IREB2: variants seen among roughly 807,000 people sequenced by gnomAD.
The protein encoded by IREB2 is iron-responsive element-binding protein 2.
Under a neutral mutation model 118.8 loss-of-function variants are expected in IREB2, and 39 were observed. That is an observed-to-expected ratio of 0.33 (90% CI 0.25 to 0.43). The LOEUF is 0.43. Ranked by LOEUF, IREB2 falls within the 20% of genes least tolerant of loss-of-function variation. The pLI, the probability that IREB2 is intolerant of heterozygous loss-of-function variation, is 1.00. For synonymous variants in IREB2, 372 were observed against 392.2 expected (o/e 0.95, Z 0.61); for missense variants, 900 against 1,147.3 (o/e 0.78, Z 3.11).
rs1170599918 is a variant in IREB2 at position 78,499,639 on chromosome 15, ATTTCT to A, written c.*1499_*1503del. The stretch of plus-strand genomic sequence containing the variant: ...AGATGGACTAGAGTTCGACAAAATG[ATTTCT>A]TTATTTAAATTTTGTATAAGTATTT... On this transcript the variant is annotated 3_prime_UTR_variant, in exon 22 of 22. Transcript: ENST00000258886. 5 of 152,166 alleles carry A rather than the reference ATTTCT, an allele frequency of 3.3e-5. No individual in the cohort carries two copies. Among genetic ancestry groups the A allele is most frequent in the African/African-American group, 7.2e-5 (3 of 41,422 alleles). 9.4% of individuals were successfully genotyped at this position (152,166 alleles called of 1,614,324 possible).
chr15:78,443,203 A>G (rs184529284), intron 2 of IREB2, among the ~76,000 whole-genome samples: 8 of 152,384 alleles, frequency 5.2e-5, no homozygotes, highest in East Asian at 1.9e-4. Flanking sequence ...AGTTATAACA[A>G]TGTACTGTAA....
intron 20 of IREB2, 42 bp from the exon 21 acceptor site, chr15:78,497,084 T>G (rs949547578): frequency 1.3e-6 from 2 of 1,528,528 alleles, no homozygotes; most frequent in Non-Finnish European, 1.8e-6. Context: ...ATAAATAACT[T>G]TCAGAAGTGA....
chr15:78,495,218 T>C (rs1596017983), intron 20 of IREB2, among the ~76,000 whole-genome samples: 1 of 152,218 alleles, frequency 6.6e-6, no homozygotes, highest in East Asian at 1.9e-4. Context: ...TCCTTTAAAA[T>C]GTAAATACTC....
At chr15:78,445,827 C>T (rs1273988101) in intron 2 of IREB2, among the ~76,000 whole-genome samples, 3 of 152,132 alleles carry the variant, frequency 2.0e-5, no homozygotes, top group Non-Finnish European at 4.4e-5. Flanking sequence ...CTCTGTTGCC[C>T]AGGCTGGAGT....
intron 14 of IREB2, 29 bp from the exon 15 acceptor site, chr15:78,488,151 A>G (rs1224426431): frequency 2.5e-6 from 4 of 1,585,322 alleles, no homozygotes; most frequent in Non-Finnish European, 3.4e-6. Flanking sequence ...AATTGAATTT[A>G]TTTGTTTGTG....
At chr15:78,439,028 C>G (rs1431144644) in intron 1 of IREB2, among the ~76,000 whole-genome samples, 1 of 152,178 alleles carries the variant, frequency 6.6e-6, no homozygotes, top group Non-Finnish European at 1.5e-5. Context: ...GGCCACCCAC[C>G]GCTATGAGTC....
intron 2 of IREB2, among the ~76,000 whole-genome samples, chr15:78,446,734 A>C (rs1184580046): frequency 6.6e-6 from 1 of 152,036 alleles, no homozygotes; most frequent in Non-Finnish European, 1.5e-5. Flanking sequence ...CCTTTCTCAC[A>C]AGACTTTTGG....
intron 2 of IREB2, among the ~76,000 whole-genome samples, chr15:78,449,003 C>A (rs79234075): frequency 0.025 from 3,776 of 152,244 alleles, 65 homozygotes; most frequent in East Asian, 0.085. Context: ...CTTCAGTGTG[C>A]TGCTTCATGA....
At chr15:78,463,211 G>A in intron 3 of IREB2, 124 bp downstream of exon 3, 1 of 778,742 alleles carries the variant, frequency 1.3e-6, no homozygotes, top group Non-Finnish European at 2.0e-6. Flanking sequence ...GGCCAAGGCA[G>A]GAAGATCACT....
chr15:78,494,965 C>T (rs1444834617), intron 20 of IREB2, among the ~76,000 whole-genome samples: 1 of 152,188 alleles, frequency 6.6e-6, no homozygotes, highest in Non-Finnish European at 1.5e-5. Context: ...GGCCAAGTTG[C>T]ACCTTTTTTC....
intron 2 of IREB2, among the ~76,000 whole-genome samples, chr15:78,455,743 TAAAC>T (rs1205099921): frequency 6.6e-6 from 1 of 152,198 alleles, no homozygotes; most frequent in East Asian, 1.9e-4. Flanking sequence ...TAGTCCTAAA[TAAAC>T]AACTGCAGAT....
At chr15:78,464,718 G>A (rs576505519) in intron 3 of IREB2, among the ~76,000 whole-genome samples, 2 of 152,206 alleles carry the variant, frequency 1.3e-5, no homozygotes, top group South Asian at 4.1e-4. Context: ...TAGTACTTAC[G>A]ATACTATTCT....
rs542424978 is a variant in IREB2 at position 78,486,616 on chromosome 15, A to G, written c.1709+776A>G. Among the ~76,000 whole-genome samples the G allele has an allele frequency of 3.5e-3, 528 of 152,316 alleles. 3 individuals are homozygous for G. The highest frequency in any genetic ancestry group is 0.012 in the African/African-American group (512 of 41,576). ...CGAGACTCCATCTCAAAAAGAAAAA[A>G]AAAAAAGTAACCTATGTTTTTTATG... On this transcript the variant is annotated intron_variant, in intron 13 of 21. Coordinates refer to ENST00000258886, the MANE Select transcript of IREB2 (RefSeq NM_004136.4).
At chr15:78,450,625 G>T (rs1256551169) in intron 2 of IREB2, among the ~76,000 whole-genome samples, 1 of 152,216 alleles carries the variant, frequency 6.6e-6, no homozygotes, top group Non-Finnish European at 1.5e-5. Context: ...CCATGTCGGG[G>T]CTTGTAGAAG....
At chr15:78,486,655 T>A (rs1030409317) in intron 13 of IREB2, among the ~76,000 whole-genome samples, 1 of 152,032 alleles carries the variant, frequency 6.6e-6, no homozygotes, top group South Asian at 2.1e-4. Context: ...TCCAAAACAA[T>A]TGATGCTAGT....
intron 2 of IREB2, among the ~76,000 whole-genome samples, chr15:78,442,798 C>A (rs2050864657): frequency 6.6e-6 from 1 of 152,182 alleles, no homozygotes; most frequent in Admixed American, 6.6e-5. Flanking sequence ...CACCTCCAGG[C>A]ATTATGTCCA....
chr15:78,476,236 A>G lies in IREB2; in HGVS notation c.1072A>G (p.Ser358Gly). Residue 358 changes from serine (S) to glycine (G), a missense_variant, in exon 9 of 22, where the codon AGT becomes GGT. Coordinates refer to ENST00000258886, the MANE Select transcript of IREB2 (RefSeq NM_004136.4). ...VAGKFVEFFG[S>G]GVSQLSIVDR... is the part of the protein sequence containing the mutation. Reference sequence around the variant, plus strand: ...TGGAAAGTTTGTTGAGTTTTTTGGAAGTGGAGTTTCACAATTATCTATAGT... The same window carrying G: ...TGGAAAGTTTGTTGAGTTTTTTGGAGGTGGAGTTTCACAATTATCTATAGT... The G allele has an allele frequency of 6.2e-7, 1 of 1,602,634 alleles. No homozygotes were observed. The highest frequency in any genetic ancestry group is 8.5e-7 in the Non-Finnish European group (1 of 1,171,438).
intron 10 of IREB2, among the ~76,000 whole-genome samples, chr15:78,482,477 C>A (rs774365314): frequency 3.9e-5 from 6 of 152,130 alleles, no homozygotes; most frequent in South Asian, 2.1e-4. Context: ...AGCAGGCTGG[C>A]CAGTGAAACC....
rs554719368 is a variant in IREB2, at chr15:78,471,776, C to G, written c.735C>G (p.Ile245Met). Residue 245 changes from isoleucine to methionine, a missense_variant, in exon 7 of 22, where the codon ATC becomes ATG. Physicochemically the swap from Ile to Met is conservative, Grantham distance 10. Transcript: ENST00000258886. Reference sequence around the variant, plus strand: ...GAGTTTTTAAGAATGTGGCAGTGATCCCTCCTGGAACTGGAATGGCTCATC... The same window carrying G: ...GAGTTTTTAAGAATGTGGCAGTGATGCCTCCTGGAACTGGAATGGCTCATC... ...SSRVFKNVAV[I>M]PPGTGMAHQI... 1.9e-6 allele frequency: 3 copies of G among 1,610,086 alleles called. No homozygotes were observed. The African/African-American group carries it at 4.0e-5, about 22-fold the overall frequency.
Sources: gnomAD v4.1 joint callset for allele counts (sites outside exome capture counted in the v4.1 genomes callset) on GRCh38, gnomAD v4.1.1 for gene constraint, MANE v1.5 for transcripts, NCBI Gene and HGNC (gene_info 2026-07-23, HGNC 2026-07-21) for gene names.